The following KLRD1 variants were observed in gnomAD, a reference collection of about 807,000 sequenced individuals.
The protein encoded by KLRD1 is killer cell lectin like receptor D1.
Under a neutral mutation model 22.6 loss-of-function variants are expected in KLRD1, and 21 were observed. That is an observed-to-expected ratio of 0.93 (90% CI 0.66 to 1.34). The LOEUF (loss-of-function observed/expected upper bound fraction) is 1.34. Among genes scored for constraint, KLRD1 ranks in the 40% most tolerant of loss-of-function variants. The pLI is 0.00. For missense variants in KLRD1, 183 were observed against 208.6 expected, an observed-to-expected ratio of 0.88 and a Z score of 0.76; for synonymous variants, 59 against 71.1, an observed-to-expected ratio of 0.83 and a Z score of 0.85.
chr12:10,285,039 A>T lies in KLRD1; in HGVS notation c.-100-22939A>T, dbSNP rs114716556. Among the ~76,000 whole-genome samples the T allele has an allele frequency of 5.8e-3, 880 of 152,306 alleles. 8 individuals carry two copies. The highest frequency in any genetic ancestry group is 0.02 in the African/African-American group (850 of 41,556). On this transcript the variant is annotated intron_variant, in intron 1 of 5. Transcript: ENST00000544747. ...ACACATCATTTAGTTTCCACTTAAA[A>T]GTTTTTAGATGTATGGTGAGAGAAC...
chr12:10,253,643 C>G (rs1395330712), intron 1 of KLRD1, among the ~76,000 whole-genome samples: 3 of 152,120 alleles, frequency 2.0e-5, no homozygotes. Context: ...TCATTTAGCT[C>G]CCACTTATAA....
At chr12:10,309,099 CT>C (rs1157725916) in intron 1 of KLRD1, 18 of 262,484 alleles carry the variant, frequency 6.9e-5, no homozygotes, top group Non-Finnish European at 1.1e-4. Context: ...ACCTCCAGAT[CT>C]TTAAGCACCT....
Position 10,269,233 on chromosome 12 carries a change from C to T in KLRD1, c.-100-38745C>T, listed in dbSNP as rs574183314. 1.1e-4 allele frequency among the ~76,000 whole-genome samples: 17 copies of T among 152,220 alleles called. 1 individual carries two copies. In the South Asian group the frequency reaches 2.1e-3, roughly 19 times the overall value. On this transcript the variant is annotated intron_variant, in intron 1 of 5. Coordinates refer to the KLRD1 transcript ENST00000544747. ...TGGTGTGATTTCGGCTCACTGCAAC[C>T]TTCACCTCCCAGGTTCAAGCAATTC...
At chr12:10,297,722 G>C (rs1400064201) in intron 1 of KLRD1, among the ~76,000 whole-genome samples, 1 of 152,078 alleles carries the variant, frequency 6.6e-6, no homozygotes, top group Non-Finnish European at 1.5e-5. Flanking sequence ...TTGTTTCTAT[G>C]TATTATTCAT....
At chr12:10,313,345 C>G (rs891078400) in intron 4 of KLRD1, 65 bp from the exon 5 acceptor site, 41 of 920,146 alleles carry the variant, frequency 4.5e-5, no homozygotes, top group Non-Finnish European at 6.3e-5. Context: ...GACTTTCCCT[C>G]AAAATATGTT....
intron 1 of KLRD1, among the ~76,000 whole-genome samples, chr12:10,284,118 G>A (rs942554168): frequency 6.6e-6 from 1 of 152,130 alleles, no homozygotes; most frequent in Middle Eastern, 3.4e-3. Flanking sequence ...ACTGGGAGGT[G>A]GAGGTTGCAG....
chr12:10,251,709 G>GT (rs1949348087), intron 1 of KLRD1, among the ~76,000 whole-genome samples: 1 of 151,716 alleles, frequency 6.6e-6, no homozygotes, highest in South Asian at 2.1e-4. Context: ...CCATCTGGGG[G>GT]TGACGGGAGA....
intron 1 of KLRD1, among the ~76,000 whole-genome samples, chr12:10,284,924 T>C (rs1592057781): frequency 6.6e-6 from 1 of 152,046 alleles, no homozygotes; most frequent in African/African-American, 2.4e-5. Context: ...GAGGTTGCGG[T>C]GAGCCCAGAT....
In KLRD1 at chr12:10,271,758, CATATT is replaced by C. The variant is rs1270755837; in HGVS notation, c.-100-36215_-100-36211del. Among the ~76,000 whole-genome samples, 44 of 151,982 alleles carry C rather than the reference CATATT, an allele frequency of 2.9e-4. 1 individual carries two copies. Among genetic ancestry groups the C allele is most frequent in the African/African-American group, 1.0e-3 (43 of 41,466 alleles). On this transcript the variant is annotated intron_variant, in intron 1 of 5. Transcript: ENST00000544747. The stretch of plus-strand genomic sequence containing the variant: ...GATACATAAACATATAATTAAATGG[CATATT>C]ATATGTGATACAAATTGTCACATTT...
At chr12:10,245,203 C>T (rs1949279707) in intron 1 of KLRD1, among the ~76,000 whole-genome samples, 1 of 151,916 alleles carries the variant, frequency 6.6e-6, no homozygotes, top group Non-Finnish European at 1.5e-5. Context: ...ACAAAAAATA[C>T]AAAAATTAGC....
upstream of KLRD1, among the ~76,000 whole-genome samples, chr12:10,307,541 G>C (rs1393913475): frequency 6.6e-6 from 1 of 152,120 alleles, no homozygotes; most frequent in Non-Finnish European, 1.5e-5. Flanking sequence ...AAATAAATGA[G>C]CTAAGATATG....
chr12:10,324,937 A>G lies in KLRD1; in HGVS notation c.*10144A>G, dbSNP rs563167425. 4.6e-5 allele frequency: 7 copies of G among 150,538 alleles called. No homozygotes were observed. In the East Asian group the frequency reaches 1.4e-3, roughly 29 times the overall value. The allele number at this position is 150,538 out of a possible 1,614,324, so 9.3% of individuals were successfully genotyped here. ...GCATTTCTGTAGATTTCATTGGGTT[A>G]TCTGCATAGATGAATAAAGACAGTT... On this transcript the variant is annotated 3_prime_UTR_variant, in exon 6 of 6. Coordinates refer to ENST00000336164, the MANE Select transcript of KLRD1 (RefSeq NM_002262.5).
At chr12:10,293,476 C>T (rs79258787) in intron 1 of KLRD1, among the ~76,000 whole-genome samples, 5,085 of 151,850 alleles carry the variant, frequency 0.033, 296 homozygotes, top group African/African-American at 0.12. Context: ...GATGGACAAT[C>T]GCTGGCCAGT....
At chr12:10,302,718 G>T (rs1949877281), upstream of KLRD1, among the ~76,000 whole-genome samples, 1 of 151,462 alleles carries the variant, frequency 6.6e-6, no homozygotes, top group Admixed American at 6.6e-5. Flanking sequence ...GGGGCCACAG[G>T]ATTAGTTGAG....
At chr12:10,243,279 T>C (rs1949257772) in intron 1 of KLRD1, among the ~76,000 whole-genome samples, 1 of 152,044 alleles carries the variant, frequency 6.6e-6, no homozygotes, top group African/African-American at 2.4e-5. Context: ...AAACATCACA[T>C]CAAACCCCCG....
chr12:10,282,928 A>G (rs1311790803), intron 1 of KLRD1, among the ~76,000 whole-genome samples: 2 of 152,224 alleles, frequency 1.3e-5, no homozygotes, highest in African/African-American at 4.8e-5. Flanking sequence ...AATAGGTAGA[A>G]ATAAAGACAG....
At chr12:10,309,785 A>T in intron 3 of KLRD1, 97 bp downstream of exon 3, 1 of 834,540 alleles carries the variant, frequency 1.2e-6, no homozygotes, top group Non-Finnish European at 2.0e-6. Flanking sequence ...TATTATACTT[A>T]GTAATAGAAA....
chr12:10,256,425 G>GTTTTTT (rs139328118), intron 1 of KLRD1, among the ~76,000 whole-genome samples: 2 of 131,062 alleles, frequency 1.5e-5, no homozygotes, highest in African/African-American at 6.1e-5. Flanking sequence ...GTGATTAGCT[G>GTTTTTT]TTTTTTTTTT....
intron 1 of KLRD1, among the ~76,000 whole-genome samples, chr12:10,257,697 T>G (rs115876086): frequency 1.3e-5 from 2 of 151,978 alleles, no homozygotes; most frequent in Non-Finnish European, 2.9e-5. Context: ...GAAGTCTTAG[T>G]CTACTGATCT....
Sources: allele counts gnomAD v4.1 joint callset (sites outside exome capture counted in the v4.1 genomes callset), GRCh38; gene constraint gnomAD v4.1.1; transcripts MANE v1.5; gene names NCBI Gene and HGNC (gene_info 2026-07-23, HGNC 2026-07-21).